The following LCT variants were observed in gnomAD, a reference collection of about 807,000 sequenced individuals.
LCT encodes the protein lactase.
A neutral mutation model predicts 173.0 loss-of-function variants in LCT; 90 were observed. The ratio of observed to expected loss-of-function variants is 0.52; its 90% CI spans 0.44 to 0.62. The LOEUF (loss-of-function observed/expected upper bound fraction) is 0.62, where lower values mean the gene tolerates loss of function less well. Among genes scored for constraint, LCT ranks in the 20% least tolerant of loss-of-function variants. The pLI, the probability that LCT is intolerant of heterozygous loss-of-function variation, is 0.00. For missense variants in LCT, 1,864 were observed against 2,431.4 expected (o/e 0.77, Z 4.91); for synonymous variants, 853 against 957.6 (o/e 0.89, Z 2.02).
rs77631160 is a variant in LCT at position 135,808,331 on chromosome 2, C to A, written c.3904+112G>T. On this transcript the variant is annotated intron_variant, in intron 8 of 16. Coordinates refer to ENST00000264162, the MANE Select transcript of LCT (RefSeq NM_002299.4). ...CAGATAAAGAATTATGGAGTTGGGA[C>A]CTAAGAGAGAGATCTATTGATGGTT... 4.1e-3 allele frequency: 3,628 copies of A among 892,592 alleles called. 80 individuals are homozygous for A. The African/African-American group carries it at 0.053, about 13-fold the overall frequency. 55.3% of individuals were successfully genotyped at this position (892,592 alleles called of 1,614,324 possible). A position where few individuals can be genotyped will look rare whatever the true frequency, so the allele number is the denominator to read the frequency against.
At position 135,836,544 on chromosome 2, in the gene LCT, C is replaced by T. The variant is rs1679387491; in HGVS notation, c.626G>A (p.Ser209Asn). The change falls in exon 1 of 17, where the codon AGC (serine) becomes AAC (asparagine). Residue 209 changes from serine to asparagine, a missense_variant. Physicochemically the swap from Ser to Asn is conservative, Grantham distance 46. This residue lies in a region of LCT where 412 missense variants were observed against 462.0 expected (regional missense o/e 0.89). Transcript: ENST00000264162. ...TGTGTACTCACCCTGAAAAGCATAG[C>T]TTTCGTGGTAAATCTCATAGGCTTT... The part of the protein sequence containing the change: ...HRKAYEIYHE[S>N]YAFQGGKLSV... The T allele has an allele frequency of 2.5e-6, 4 of 1,614,110 alleles. No individual in the cohort carries two copies. The highest frequency in any genetic ancestry group is 2.5e-6 in the Non-Finnish European group (3 of 1,180,002).
At position 135,809,563 on chromosome 2, in the gene LCT, G is replaced by A; in HGVS notation, c.2784C>T (p.Gly928=). ...IEGAWDADGK[G]PSIWDNFTHT... ...GGGTAAAGTTATCCCAGATGCTGGG[G>A]CCTTTGCCATCGGCATCCCACGCGC... Residue 928 remains glycine (G), a synonymous_variant, in exon 8 of 17, where the codon GGC becomes GGT. Coordinates refer to ENST00000264162, the MANE Select transcript of LCT (RefSeq NM_002299.4). This position sits in a 1 kb window ranked among gnomAD's most constrained non-coding sequence, Gnocchi z 5.5. 6.8e-6 allele frequency: 11 copies of A among 1,614,228 alleles called. No homozygotes were observed. Among genetic ancestry groups the A allele is most frequent in the Non-Finnish European group, 9.3e-6 (11 of 1,180,048 alleles).
chr2:135,798,470 G>A (rs1339976008), intron 12 of LCT, among the ~76,000 whole-genome samples: 1 of 152,204 alleles, frequency 6.6e-6, no homozygotes, highest in African/African-American at 2.4e-5. Context: ...CAGAGGAGAA[G>A]GGAGAACCCA....
chr2:135,829,617 C>G lies in LCT; in HGVS notation c.780G>C (p.Leu260=). 6.2e-7 allele frequency: 1 copy of G among 1,613,862 alleles called. No individual in the cohort carries two copies. ...CCTGCAATTTACTCAGCTTCTGCCG[C>G]AGACTTGCCTCATTTTGGCATTCAT... ...LSYECQNEAS[L]RQKLSKLQTI... The change falls in exon 3 of 17, where the codon CTG becomes CTC. Residue 260 remains leucine, a synonymous_variant. Transcript: ENST00000264162.
chr2:135,795,959 C>T (rs1030764), intron 13 of LCT, among the ~76,000 whole-genome samples: 92,269 of 151,946 alleles, frequency 0.61, 30,387 homozygotes, highest in Non-Finnish European at 0.76. Flanking sequence ...CAAAGTCTCA[C>T]TATATTGCCC....
At chr2:135,806,562 C>A (rs546319303) in intron 9 of LCT, among the ~76,000 whole-genome samples, 1 of 152,248 alleles carries the variant, frequency 6.6e-6, no homozygotes. Context: ...AGTACCCTGT[C>A]CAGCTTTTAT....
At position 135,808,999 on chromosome 2, in the gene LCT, C is replaced by G; in HGVS notation, c.3348G>C (p.Gln1116His). 1 of 1,611,162 alleles carries G rather than the reference C, an allele frequency of 6.2e-7. No individual in the cohort carries two copies. The highest frequency in any genetic ancestry group is 8.5e-7 in the Non-Finnish European group (1 of 1,177,932). Residue 1116 changes from glutamine (Q) to histidine (H), a missense_variant, in exon 8 of 17, where the codon CAG becomes CAC. Coordinates refer to ENST00000264162, the MANE Select transcript of LCT (RefSeq NM_002299.4). ...HTYDEKYRQE[Q>H]KGVISLSLST... The stretch of plus-strand genomic sequence containing the variant: ...TGAGGCTCAGCGAGATGACCCCCTT[C>G]TGCTCCTGCCTGTATTTCTCATCGT...
intron 13 of LCT, among the ~76,000 whole-genome samples, chr2:135,797,340 G>A (rs1048716147): frequency 2.6e-5 from 4 of 152,126 alleles, no homozygotes; most frequent in Non-Finnish European, 5.9e-5. Context: ...CTTGATTCCC[G>A]CCAGCCTTGG....
chr2:135,819,096 T>G (rs2077807009), intron 5 of LCT, among the ~76,000 whole-genome samples: 1 of 152,216 alleles, frequency 6.6e-6, no homozygotes, highest in South Asian at 2.1e-4. Flanking sequence ...AACTTCTCCT[T>G]GCACACAGCT....
At position 135,807,177 on chromosome 2, in the gene LCT, C is replaced by T; in HGVS notation, c.4124G>A (p.Gly1375Glu). ...CCAGATGAAGCCCTCAGGAAACCGT[C>T]CGTACAGAAACTCATCCTCCCTGGC... ...PLAREDEFLY[G>E]RFPEGFIWSA... Residue 1375 changes from glycine to glutamate, a missense_variant, in exon 9 of 17, where the codon GGA becomes GAA. Physicochemically the swap from Gly to Glu is moderately conservative, Grantham distance 98. This residue lies in a region of LCT where 514 missense variants were observed against 750.1 expected (regional missense o/e 0.69). Coordinates refer to ENST00000264162, the MANE Select transcript of LCT (RefSeq NM_002299.4). 6.2e-7 allele frequency: 1 copy of T among 1,614,236 alleles called. No homozygotes were observed. The highest frequency in any genetic ancestry group is 8.5e-7 in the Non-Finnish European group (1 of 1,180,038).
chr2:135,795,623 T>C (rs1414451200), intron 13 of LCT, among the ~76,000 whole-genome samples: 1 of 150,776 alleles, frequency 6.6e-6, no homozygotes, highest in Non-Finnish European at 1.5e-5. Context: ...ATAATAATAA[T>C]AATAATAATA....
chr2:135,810,020 T>C lies in LCT; in HGVS notation c.2354-27A>G, dbSNP rs748802929. 12 of 1,450,426 alleles carry C rather than the reference T, an allele frequency of 8.3e-6. No individual in the cohort carries two copies. In the East Asian group the frequency reaches 2.4e-4, roughly 29 times the overall value. 89.8% of individuals were successfully genotyped at this position (1,450,426 alleles called of 1,614,324 possible). A position where few individuals can be genotyped will look rare whatever the true frequency, so the allele number is the denominator to read the frequency against. On this transcript the variant is annotated intron_variant, in intron 7 of 16. Coordinates refer to ENST00000264162, the MANE Select transcript of LCT (RefSeq NM_002299.4). ...TGTGAAGAAAAATAAAAATTAGATT[T>C]ATTTATTTATGGATTTATTTAATTG... is the stretch of plus-strand genomic sequence containing the variant.
At position 135,817,859 on chromosome 2, in the gene LCT, C is replaced by T. The variant is rs777367740; in HGVS notation, c.1189G>A (p.Val397Met). 4.3e-6 allele frequency: 7 copies of T among 1,614,076 alleles called. No individual in the cohort carries two copies. The highest frequency in any genetic ancestry group is 1.3e-5 in the African/African-American group (1 of 75,050). The change falls in exon 6 of 17, where the codon GTG becomes ATG. Residue 397 changes from valine (V) to methionine (M), a missense_variant. Val to Met is a conservative substitution (Grantham distance 21). Transcript: ENST00000264162. ...CCACCCTCGGCCCAGCCTCCTTCCACGTTAAAGGCTCCTGTGGAGGCACCC... is the reference window on the plus strand; with the variant it reads ...CCACCCTCGGCCCAGCCTCCTTCCATGTTAAAGGCTCCTGTGGAGGCACCC... ...LWGASTGAFN[V>M]EGGWAEGGRG...
Position 135,831,324 on chromosome 2 carries a change from C to A in LCT, c.721-1648G>T, listed in dbSNP as rs555072838. On this transcript the variant is annotated intron_variant, in intron 2 of 16. Coordinates refer to ENST00000264162, the MANE Select transcript of LCT (RefSeq NM_002299.4). ...CAGGAAGGACGTCCAGTAGGGGATG[C>A]AGGAGGGTAGGAAGCAAGCATAGCA... is the stretch of plus-strand genomic sequence containing the variant. 1.7e-4 allele frequency among the ~76,000 whole-genome samples: 26 copies of A among 152,164 alleles called. No homozygotes were observed. In the South Asian group the frequency reaches 5.2e-3, roughly 30 times the overall value.
At position 135,812,327 on chromosome 2, in the gene LCT, G is replaced by T. The variant is rs2105537386; in HGVS notation, c.2337C>A (p.Ile779=). 3 of 1,613,430 alleles carry T rather than the reference G, an allele frequency of 1.9e-6. No individual in the cohort carries two copies. Among genetic ancestry groups the T allele is most frequent in the Non-Finnish European group, 1.7e-6 (2 of 1,179,358 alleles). The change falls in exon 7 of 17, where the codon ATC becomes ATA. Residue 779 remains isoleucine, a synonymous_variant. Coordinates refer to ENST00000264162, the MANE Select transcript of LCT (RefSeq NM_002299.4). The part of the protein sequence containing the change: ...SLRVDYFNQY[I]NEVLKAIKED... Reference sequence around the variant, plus strand: ...TGTTCTTACCCTTGAGCACCTCATTGATATATTGATTGAAGTAGTCTACTC... The same window carrying T: ...TGTTCTTACCCTTGAGCACCTCATTTATATATTGATTGAAGTAGTCTACTC...
chr2:135,789,463 TG>T, intron 16 of LCT, 107 bp downstream of exon 16: 1 of 771,070 alleles, frequency 1.3e-6, no homozygotes, highest in South Asian at 1.5e-5. Context: ...ATGAAGGAGA[TG>T]GGGCAGCAGA....
chr2:135,818,058 C>T lies in LCT; in HGVS notation c.990G>A (p.Met330Ile). ...LSCSSSSKKS[M>I]SCSLTGSLAL... ...CCAGGCTGCCAGTCAGAGAACAAGA[C>T]ATGCTGCAGGATTGAAGGGACAAAA... Residue 330 changes from methionine (M) to isoleucine (I), a missense_variant, in exon 6 of 17, where the codon ATG becomes ATA. This residue lies in a region of LCT where 412 missense variants were observed against 462.0 expected (regional missense o/e 0.89). Transcript: ENST00000264162. The T allele has an allele frequency of 1.2e-6, 2 of 1,613,294 alleles. No individual in the cohort carries two copies. Among genetic ancestry groups the T allele is most frequent in the Non-Finnish European group, 1.7e-6 (2 of 1,180,034 alleles).
At chr2:135,793,192 C>G (rs954987206) in intron 14 of LCT, among the ~76,000 whole-genome samples, 1 of 152,256 alleles carries the variant, frequency 6.6e-6, no homozygotes, top group African/African-American at 2.4e-5. Flanking sequence ...AAGAAAACTA[C>G]AACCAAGGAC....
chr2:135,830,124 C>T (rs918244203), intron 2 of LCT, among the ~76,000 whole-genome samples: 3 of 152,072 alleles, frequency 2.0e-5, no homozygotes, highest in Admixed American at 6.5e-5. Context: ...TGAATCCTAC[C>T]GGGTGTTTGG....
Sources: allele counts gnomAD v4.1 joint callset (sites outside exome capture counted in the v4.1 genomes callset), GRCh38; gene constraint gnomAD v4.1.1; regional missense constraint gnomAD v4.1.1; non-coding constraint Gnocchi (gnomAD v3.1); transcripts MANE v1.5; gene names NCBI Gene and HGNC (gene_info 2026-07-23, HGNC 2026-07-21).